The following ZNF440 variants were observed in gnomAD, a reference collection of about 807,000 sequenced individuals.
The protein encoded by ZNF440 is zinc finger protein 440.
Under a neutral mutation model 49.7 loss-of-function variants are expected in ZNF440, and 47 were observed. The observed-to-expected ratio is 0.95, with a 90% CI of 0.75 to 1.21. The LOEUF (loss-of-function observed/expected upper bound fraction) is 1.21. ZNF440 is among the 50% of genes most tolerant of loss of function. The pLI, the probability that ZNF440 is intolerant of heterozygous loss-of-function variation, is 0.00. For synonymous variants in ZNF440, 255 were observed against 237.7 expected (o/e 1.07, Z -0.67); for missense variants, 703 against 715.0 (o/e 0.98, Z 0.19).
intron 1 of ZNF440, among the ~76,000 whole-genome samples, chr19:11,818,819 C>G (rs369015836): frequency 8.5e-5 from 13 of 152,254 alleles, no homozygotes; most frequent in African/African-American, 2.4e-4. Context: ...AGATTACAGG[C>G]GTGAGCCACT....
At position 11,814,410 on chromosome 19, in the gene ZNF440, C is replaced by T. The variant is rs762555726; in HGVS notation, c.-38C>T. 9.0e-6 allele frequency: 14 copies of T among 1,558,520 alleles called. No homozygotes were observed. Among genetic ancestry groups the T allele is most frequent in the Middle Eastern group, 3.4e-4 (2 of 5,876 alleles). ...CTGTGACCTACACTAGTCGCGGGAGCCACGCAGAGGACGCCGGAACACCCT... is the reference window on the plus strand; with the variant it reads ...CTGTGACCTACACTAGTCGCGGGAGTCACGCAGAGGACGCCGGAACACCCT... On this transcript the variant is annotated 5_prime_UTR_variant, in exon 1 of 4. Transcript: ENST00000304060.
intron 1 of ZNF440, among the ~76,000 whole-genome samples, chr19:11,814,970 A>G (rs1975713898): frequency 1.3e-5 from 2 of 151,964 alleles, no homozygotes; most frequent in South Asian, 2.1e-4. Context: ...TCGATAGGCT[A>G]AGGTTTAAAA....
rs201029599 is a variant in ZNF440 at position 11,832,664 on chromosome 19, A to G, written c.1488A>G (p.Ser496=). 6.2e-7 allele frequency: 1 copy of G among 1,613,662 alleles called. No homozygotes were observed. ...GCAAGCAACGTTCAGTAGTTCCTTC[A>G]GTAGTTCCAGTTCCTTTTGATATCA... ...YECKQRSVVP[S]VVPVPFDIMK... is the part of the protein sequence containing the mutation. The change falls in exon 4 of 4, where the codon TCA becomes TCG. Residue 496 remains serine (S), a synonymous_variant. Coordinates refer to ENST00000304060, the MANE Select transcript of ZNF440 (RefSeq NM_152357.3).
intron 1 of ZNF440, among the ~76,000 whole-genome samples, chr19:11,825,791 C>CT (rs112631754): frequency 1.5e-4 from 18 of 117,550 alleles, no homozygotes; most frequent in South Asian, 5.1e-4. Context: ...CACTGATTTT[C>CT]TTTTTTTTTT....
chr19:11,814,990 G>A (rs1975714167), intron 1 of ZNF440, among the ~76,000 whole-genome samples: 1 of 151,896 alleles, frequency 6.6e-6, no homozygotes, highest in Non-Finnish European at 1.5e-5. Flanking sequence ...ATTAAATAGG[G>A]TCTGGCCAGG....
At chr19:11,822,936 TA>T (rs1378547901) in intron 1 of ZNF440, among the ~76,000 whole-genome samples, 1 of 152,012 alleles carries the variant, frequency 6.6e-6, no homozygotes, top group East Asian at 1.9e-4. Context: ...TTCTCTTAAT[TA>T]GTATAGCATT....
In ZNF440 at chr19:11,831,912, C is replaced by T. The variant is rs1487744270; in HGVS notation, c.736C>T (p.His246Tyr). Residue 246 changes from histidine (H) to tyrosine (Y), a missense_variant, in exon 4 of 4, where the codon CAT becomes TAT. Transcript: ENST00000304060. ...TAGTTATTCTGCTACCCATCGAATA[C>T]ATAAAAGAACTCACACTGGAGAAAA... The part of the protein sequence containing the change: ...SFSYSATHRI[H>Y]KRTHTGEKPY... 1.4e-5 allele frequency: 22 copies of T among 1,613,692 alleles called. No homozygotes were observed. The highest frequency in any genetic ancestry group is 1.8e-5 in the Non-Finnish European group (21 of 1,179,904).
intron 1 of ZNF440, among the ~76,000 whole-genome samples, chr19:11,815,444 G>A (rs1409871445): frequency 6.6e-6 from 1 of 152,184 alleles, no homozygotes; most frequent in Non-Finnish European, 1.5e-5. Flanking sequence ...AGAACAGGTA[G>A]CTAGGAGACA....
intron 1 of ZNF440, among the ~76,000 whole-genome samples, chr19:11,827,346 G>A (rs551655788): frequency 1.3e-5 from 2 of 152,322 alleles, no homozygotes; most frequent in Admixed American, 1.3e-4. Flanking sequence ...TAAGGCATGA[G>A]CCACCGCACC....
At chr19:11,821,003 G>A (rs1309973019) in intron 1 of ZNF440, among the ~76,000 whole-genome samples, 2 of 152,152 alleles carry the variant, frequency 1.3e-5, no homozygotes, top group Admixed American at 6.5e-5. Flanking sequence ...TCCTCTATGT[G>A]AAATGTTCAG....
chr19:11,822,845 T>TAAAAAAAAAAA lies in ZNF440; in HGVS notation c.4-7432_4-7422dup, dbSNP rs547706900. Among the ~76,000 whole-genome samples the TAAAAAAAAAAA allele has an allele frequency of 8.5e-5, 10 of 117,530 alleles. 1 individual carries two copies. The highest frequency in any genetic ancestry group is 1.1e-4 in the Non-Finnish European group (6 of 56,532). 77.1% of individuals were successfully genotyped at this position (117,530 alleles called of 152,430 possible). A position where few individuals can be genotyped will look rare whatever the true frequency, so the allele number is the denominator to read the frequency against. On this transcript the variant is annotated intron_variant, in intron 1 of 3. Coordinates refer to ENST00000304060, the MANE Select transcript of ZNF440 (RefSeq NM_152357.3). ...CTGGGCAACAAGAGTGAAACTCCGT[T>TAAAAAAAAAAA]AAAAAAAAAAAAAAAAGATGCCCTG...
intron 1 of ZNF440, among the ~76,000 whole-genome samples, chr19:11,825,920 A>G (rs1437353854): frequency 6.7e-6 from 1 of 150,152 alleles, no homozygotes; most frequent in African/African-American, 2.5e-5. Context: ...GGTTCAAGCA[A>G]TTCTCCTGCC....
chr19:11,825,379 A>G (rs76371859), intron 1 of ZNF440, among the ~76,000 whole-genome samples: 35 of 152,236 alleles, frequency 2.3e-4, no homozygotes, highest in African/African-American at 7.9e-4. Flanking sequence ...TGTGTCATGT[A>G]TCCACCATCA....
chr19:11,822,036 A>T (rs951541630), intron 1 of ZNF440, among the ~76,000 whole-genome samples: 2 of 152,184 alleles, frequency 1.3e-5, no homozygotes, highest in African/African-American at 4.8e-5. Flanking sequence ...GGGTCTAGGG[A>T]ATTGACCAAG....
intron 1 of ZNF440, among the ~76,000 whole-genome samples, chr19:11,821,622 T>A (rs1975801038): frequency 6.6e-6 from 1 of 151,992 alleles, no homozygotes; most frequent in African/African-American, 2.4e-5. Context: ...AAAGTAGTCA[T>A]TGAGCGCTTC....
intron 1 of ZNF440, among the ~76,000 whole-genome samples, chr19:11,821,542 G>T (rs760279410): frequency 6.6e-6 from 1 of 152,120 alleles, no homozygotes; most frequent in Non-Finnish European, 1.5e-5. Context: ...ACCCCAGCAG[G>T]GTGGACCAGT....
rs747670592 is a variant in ZNF440, at chr19:11,831,338, C to T, written c.192-30C>T. 3.8e-6 allele frequency: 6 copies of T among 1,584,806 alleles called. No homozygotes were observed. The African/African-American group carries it at 6.9e-5, about 18-fold the overall frequency. On this transcript the variant is annotated intron_variant, in intron 3 of 3. Coordinates refer to ENST00000304060, the MANE Select transcript of ZNF440 (RefSeq NM_152357.3). Reference sequence around the variant, plus strand: ...AATATAGAAGTACTTATAAACAAACCCTTCATAATATGCTTCTCATTTTTG... The same window carrying T: ...AATATAGAAGTACTTATAAACAAACTCTTCATAATATGCTTCTCATTTTTG...
At chr19:11,817,552 A>G (rs971991331) in intron 1 of ZNF440, 1 of 152,226 alleles carries the variant, frequency 6.6e-6, no homozygotes, top group African/African-American at 2.4e-5. Flanking sequence ...AGCTGAGGAC[A>G]CGCCACTGCA....
chr19:11,830,055 AG>A (rs1684335448), intron 1 of ZNF440: 1 of 811,184 alleles, frequency 1.2e-6, no homozygotes, highest in Non-Finnish European at 1.8e-6. Context: ...CCCGGCAGTG[AG>A]CCGAGATCAT....
Sources: gnomAD v4.1 joint callset for allele counts (sites outside exome capture counted in the v4.1 genomes callset) on GRCh38, gnomAD v4.1.1 for gene constraint, MANE v1.5 for transcripts, NCBI Gene and HGNC (gene_info 2026-07-23, HGNC 2026-07-21) for gene names.